The following LRP1B variants were observed in gnomAD, a reference collection of about 807,000 sequenced individuals.
LRP1B encodes low-density lipoprotein receptor-related protein 1B.
LRP1B carries 217 observed loss-of-function variants against 556.6 expected under a neutral mutation model. The observed-to-expected ratio is 0.39, with a 90% CI of 0.35 to 0.44. The LOEUF is 0.44. Ranked by LOEUF, LRP1B falls within the 20% of genes least tolerant of loss-of-function variation. LRP1B has a pLI of 1.00. For missense variants in LRP1B, 5,053 were observed against 5,620.8 expected (o/e 0.90, Z 3.23); for synonymous variants, 2,047 against 1,865.8 (o/e 1.10, Z -2.50).
intron 55 of LRP1B, among the ~76,000 whole-genome samples, chr2:140,500,181 G>A (rs925420078): frequency 2.0e-5 from 3 of 151,640 alleles, no homozygotes; most frequent in African/African-American, 7.3e-5. Flanking sequence ...ATACAATATT[G>A]GGTCTAAAAA....
chr2:140,981,686 C>A (rs1190333467), intron 18 of LRP1B, among the ~76,000 whole-genome samples: 1 of 152,118 alleles, frequency 6.6e-6, no homozygotes, highest in Non-Finnish European at 1.5e-5. Context: ...TCATACGACT[C>A]TACGGAAATG....
At chr2:140,752,920 T>C (rs1011677393) in intron 35 of LRP1B, among the ~76,000 whole-genome samples, 1 of 152,186 alleles carries the variant, frequency 6.6e-6, no homozygotes, top group African/African-American at 2.4e-5. Flanking sequence ...GGGTTCACTC[T>C]TGGTGTTGTA....
intron 2 of LRP1B, among the ~76,000 whole-genome samples, chr2:141,639,677 T>C (rs1053734416): frequency 4.6e-5 from 7 of 152,044 alleles, no homozygotes; most frequent in Admixed American, 1.3e-4. Context: ...GTTGTCATTC[T>C]CCAATAATTA....
Position 141,769,199 on chromosome 2 carries a change from A to C in LRP1B, c.205+41080T>G, listed in dbSNP as rs138774028. Among the ~76,000 whole-genome samples the C allele has an allele frequency of 2.2e-4, 33 of 152,250 alleles. No individual in the cohort carries two copies. In the East Asian group the frequency reaches 6.2e-3, roughly 29 times the overall value. ...TCTCATGTGGTAAGAATTACACCTA[A>C]CATAAAATATAAACAGAGTGGGTGA... On this transcript the variant is annotated intron_variant, in intron 2 of 90. Transcript: ENST00000389484.
At chr2:140,842,090 C>A (rs1437059088) in intron 29 of LRP1B, among the ~76,000 whole-genome samples, 1 of 152,234 alleles carries the variant, frequency 6.6e-6, no homozygotes, top group Non-Finnish European at 1.5e-5. Context: ...GATTCTGTTA[C>A]TGCTCAAGGT....
chr2:141,168,614 AT>A (rs1680365991), intron 7 of LRP1B, among the ~76,000 whole-genome samples: 1 of 152,106 alleles, frequency 6.6e-6, no homozygotes, highest in Non-Finnish European at 1.5e-5. Context: ...AATTTCAAGG[AT>A]GTTTTGCTCC....
chr2:141,233,177 G>A (rs1683533922), intron 5 of LRP1B, among the ~76,000 whole-genome samples: 1 of 152,204 alleles, frequency 6.6e-6, no homozygotes, highest in Admixed American at 6.5e-5. Context: ...GGATACCTGT[G>A]TCAACACTTA....
intron 2 of LRP1B, among the ~76,000 whole-genome samples, chr2:141,700,694 T>C (rs1371473678): frequency 1.3e-5 from 2 of 151,612 alleles, no homozygotes; most frequent in Non-Finnish European, 2.9e-5. Context: ...GAAACCAGAA[T>C]CCCTTTTCCC....
At chr2:141,544,330 TCTTCTTCTTCTTCTTC>T (rs1559131066) in intron 2 of LRP1B, among the ~76,000 whole-genome samples, 1 of 43,036 alleles carries the variant, frequency 2.3e-5, no homozygotes, top group Non-Finnish European at 5.3e-5. Context: ...TTCTTCTTCT[TCTTCTTCTTCTTCTTC>T]TTCTTCTTCT....
intron 3 of LRP1B, among the ~76,000 whole-genome samples, chr2:141,352,178 G>A (rs1559023794): frequency 1.3e-5 from 2 of 151,922 alleles, no homozygotes; most frequent in Non-Finnish European, 2.9e-5. Flanking sequence ...GGAGATTAGA[G>A]AGTAGACCTT....
chr2:140,478,354 T>C (rs1016707657), intron 59 of LRP1B, among the ~76,000 whole-genome samples: 1 of 151,964 alleles, frequency 6.6e-6, no homozygotes, highest in African/African-American at 2.4e-5. Context: ...TTTCACCGTG[T>C]TAGCCAGGAT....
chr2:141,017,226 A>G (rs1697925713), intron 12 of LRP1B, among the ~76,000 whole-genome samples: 2 of 151,998 alleles, frequency 1.3e-5, no homozygotes, highest in Non-Finnish European at 2.9e-5. Flanking sequence ...GTAGTTAGGT[A>G]TAACTACTTG....
Position 140,787,558 on chromosome 2 carries a change from A to ATTTTTTTTT in LRP1B, c.5360-11329_5360-11321dup, listed in dbSNP as rs756825067. 2.4e-3 allele frequency among the ~76,000 whole-genome samples: 109 copies of ATTTTTTTTT among 44,662 alleles called. 12 individuals carry two copies. Among genetic ancestry groups the ATTTTTTTTT allele is most frequent in the African/African-American group, 8.4e-3 (77 of 9,132 alleles). 29.3% of individuals were successfully genotyped at this position (44,662 alleles called of 152,430 possible). A position where few individuals can be genotyped will look rare whatever the true frequency, so the allele number is the denominator to read the frequency against. ...CCTATCTTCCTGTTTAAAACAGAAGATTTTTTTTTTTTTTTTTTTTTTTTT... is the reference window on the plus strand; with the variant it reads ...CCTATCTTCCTGTTTAAAACAGAAGATTTTTTTTTTTTTTTTTTTTTTTTTTTTTTTTTT... On this transcript the variant is annotated intron_variant, in intron 32 of 90. Coordinates refer to ENST00000389484, the MANE Select transcript of LRP1B (RefSeq NM_018557.3).
intron 3 of LRP1B, among the ~76,000 whole-genome samples, chr2:141,406,686 G>C (rs141850805): frequency 2.6e-5 from 4 of 151,620 alleles, no homozygotes; most frequent in Non-Finnish European, 5.9e-5. Flanking sequence ...AGTTGCAGTC[G>C]TGTCAGGCAT....
At position 141,458,329 on chromosome 2, in the gene LRP1B, T is replaced by G. The variant is rs1411390615; in HGVS notation, c.343+22067A>C. ...TCTAGGAAAAGTACTTAGGACTGTT[T>G]GGGTCATCATCGCCTGGGCAGGGAC... On this transcript the variant is annotated intron_variant, in intron 3 of 90. Transcript: ENST00000389484. 2.6e-5 allele frequency among the ~76,000 whole-genome samples: 4 copies of G among 152,288 alleles called. 1 individual carries two copies. The highest frequency in any genetic ancestry group is 2.9e-5 in the Non-Finnish European group (2 of 68,020).
At chr2:141,297,610 C>T (rs1179792223) in intron 3 of LRP1B, among the ~76,000 whole-genome samples, 1 of 152,070 alleles carries the variant, frequency 6.6e-6, no homozygotes, top group Non-Finnish European at 1.5e-5. Flanking sequence ...ATAAGGCCTT[C>T]CTTAAGTCCT....
In LRP1B at chr2:140,317,362, G is replaced by A. The variant is rs571158824; in HGVS notation, c.12641-2263C>T. Reference sequence around the variant, plus strand: ...AGAGTAATGTGGGATGAATAAATGTGGATGTATTCTAAAGGTCATTCAGAG... The same window carrying A: ...AGAGTAATGTGGGATGAATAAATGTAGATGTATTCTAAAGGTCATTCAGAG... On this transcript the variant is annotated intron_variant, in intron 82 of 90. Coordinates refer to ENST00000389484, the MANE Select transcript of LRP1B (RefSeq NM_018557.3). Among the ~76,000 whole-genome samples, 24 of 152,116 alleles carry A rather than the reference G, an allele frequency of 1.6e-4. No homozygotes were observed. In the South Asian group the frequency reaches 2.9e-3, roughly 18 times the overall value.
chr2:140,280,278 A>ATTTT (rs1389368785), intron 84 of LRP1B, among the ~76,000 whole-genome samples: 7 of 151,816 alleles, frequency 4.6e-5, no homozygotes, highest in Non-Finnish European at 1.0e-4. Context: ...CACTAAAATA[A>ATTTT]AGTTGGAAAT....
intron 3 of LRP1B, among the ~76,000 whole-genome samples, chr2:141,353,547 C>A (rs1688519239): frequency 6.6e-6 from 1 of 151,822 alleles, no homozygotes. Context: ...ATCAATTTTG[C>A]AAATACGTTT....
Sources: allele counts gnomAD v4.1 joint callset (sites outside exome capture counted in the v4.1 genomes callset), GRCh38; gene constraint gnomAD v4.1.1; transcripts MANE v1.5; gene names NCBI Gene and HGNC (gene_info 2026-07-23, HGNC 2026-07-21).